PAK5: variants seen among roughly 807,000 people sequenced by gnomAD.
The protein encoded by PAK5 is serine/threonine-protein kinase PAK 5.
Under a neutral mutation model 65.9 loss-of-function variants are expected in PAK5, and 16 were observed. The ratio of observed to expected loss-of-function variants is 0.24; its 90% CI spans 0.16 to 0.37. The LOEUF (loss-of-function observed/expected upper bound fraction) is 0.37. Among genes scored for constraint, PAK5 ranks in the 10% least tolerant of loss-of-function variants. The pLI, the probability that PAK5 is intolerant of heterozygous loss-of-function variation, is 1.00. For missense variants in PAK5, 785 were observed against 903.9 expected (o/e 0.87, Z 1.69); for synonymous variants, 371 against 354.9 (o/e 1.05, Z -0.51).
At chr20:9,645,709 C>T (rs531492465) in intron 2 of PAK5, among the ~76,000 whole-genome samples, 38 of 152,216 alleles carry the variant, frequency 2.5e-4, no homozygotes, top group East Asian at 3.9e-4. Flanking sequence ...CTCAGCCTCC[C>T]GAGTAGCTGG....
At chr20:9,698,196 T>C (rs1407146118) in intron 2 of PAK5, among the ~76,000 whole-genome samples, 2 of 152,156 alleles carry the variant, frequency 1.3e-5, no homozygotes, top group Non-Finnish European at 2.9e-5. Flanking sequence ...CCCTCAACTA[T>C]ATACTCTTTT....
rs11906946 is a variant in PAK5, at chr20:9,637,186, T to G, written c.204+6939A>C. 7.0e-3 allele frequency among the ~76,000 whole-genome samples: 1,062 copies of G among 152,178 alleles called. 13 individuals carry two copies. The highest frequency in any genetic ancestry group is 0.024 in the African/African-American group (986 of 41,486). ...TGGCTAATATTTTTTTTATTATTAC[T>G]TTTAGTGGAGACGAGGTTTTGCTAG... On this transcript the variant is annotated intron_variant, in intron 3 of 9. Transcript: ENST00000353224.
chr20:9,766,767 T>A (rs778049477), intron 1 of PAK5, among the ~76,000 whole-genome samples: 5 of 151,776 alleles, frequency 3.3e-5, no homozygotes, highest in Non-Finnish European at 5.9e-5. Context: ...TTGGAGAAGG[T>A]AGTGATTGAA....
intron 3 of PAK5, among the ~76,000 whole-genome samples, chr20:9,619,809 T>G (rs1192965636): frequency 2.0e-5 from 3 of 152,222 alleles, no homozygotes; most frequent in Non-Finnish European, 4.4e-5. Flanking sequence ...CCTCCCTTGA[T>G]TCTTTGACAG....
intron 1 of PAK5, among the ~76,000 whole-genome samples, chr20:9,787,243 C>T (rs1263192240): frequency 6.6e-6 from 1 of 152,090 alleles, no homozygotes; most frequent in Admixed American, 6.6e-5. Context: ...TGATCATGCC[C>T]TACTTGTCTC....
chr20:9,652,005 C>T (rs929072029), intron 2 of PAK5, among the ~76,000 whole-genome samples: 6 of 152,176 alleles, frequency 3.9e-5, no homozygotes, highest in African/African-American at 1.4e-4. Flanking sequence ...GTGACTTTAA[C>T]GTACCTCTTA....
At chr20:9,720,605 T>C (rs1765235353) in intron 1 of PAK5, among the ~76,000 whole-genome samples, 1 of 152,150 alleles carries the variant, frequency 6.6e-6, no homozygotes. Flanking sequence ...CTCCCAGGTA[T>C]ATACCCCAAA....
rs113529049 is a variant in PAK5, at chr20:9,558,873, T to C, written c.1617-1139A>G. On this transcript the variant is annotated intron_variant, in intron 6 of 9. Transcript: ENST00000353224. ...ACTGCACCCCTGTGGAGAAAGTTTTTCCTTCTCCACAGTTTTAGAGGGGGA... is the reference window on the plus strand; with the variant it reads ...ACTGCACCCCTGTGGAGAAAGTTTTCCCTTCTCCACAGTTTTAGAGGGGGA... Among the ~76,000 whole-genome samples, 668 of 152,344 alleles carry C rather than the reference T, an allele frequency of 4.4e-3. 6 individuals are homozygous for C. Among genetic ancestry groups the C allele is most frequent in the African/African-American group, 0.015 (637 of 41,586 alleles).
intron 1 of PAK5, among the ~76,000 whole-genome samples, chr20:9,829,929 C>A (rs1027979788): frequency 6.6e-6 from 1 of 152,200 alleles, no homozygotes; most frequent in Non-Finnish European, 1.5e-5. Context: ...GCCTCCAGCA[C>A]TTGTGTGGAG....
intron 2 of PAK5, among the ~76,000 whole-genome samples, chr20:9,706,531 T>C (rs1307299480): frequency 6.6e-6 from 1 of 150,746 alleles, no homozygotes; most frequent in African/African-American, 2.4e-5. Flanking sequence ...CAGGCTAGAG[T>C]GCAGCAGTGC....
chr20:9,698,008 A>G (rs1414120450), intron 2 of PAK5, among the ~76,000 whole-genome samples: 3 of 152,184 alleles, frequency 2.0e-5, no homozygotes, highest in South Asian at 2.1e-4. Context: ...TGACCATATG[A>G]TGAATTTGAC....
At chr20:9,568,755 C>T (rs1188669159) in intron 4 of PAK5, among the ~76,000 whole-genome samples, 1 of 152,102 alleles carries the variant, frequency 6.6e-6, no homozygotes, top group Non-Finnish European at 1.5e-5. Context: ...TCACTTGAGC[C>T]CAGGAGCTCA....
intron 2 of PAK5, among the ~76,000 whole-genome samples, chr20:9,675,317 C>A (rs2047555251): frequency 6.6e-6 from 1 of 152,082 alleles, no homozygotes; most frequent in African/African-American, 2.4e-5. Context: ...TTTTCTAATG[C>A]AAGGACAATA....
At chr20:9,766,005 C>T (rs143091112) in intron 1 of PAK5, among the ~76,000 whole-genome samples, 4,913 of 152,058 alleles carry the variant, frequency 0.032, 258 homozygotes, top group African/African-American at 0.11. Context: ...AGGCAGATCA[C>T]GAGGTCAAGA....
chr20:9,687,680 G>T (rs1309436280), intron 2 of PAK5, among the ~76,000 whole-genome samples: 1 of 151,902 alleles, frequency 6.6e-6, no homozygotes, highest in Non-Finnish European at 1.5e-5. Context: ...ACTTTTTTTT[G>T]AGGCACTAGG....
intron 1 of PAK5, among the ~76,000 whole-genome samples, chr20:9,820,859 C>T (rs887418386): frequency 8.4e-6 from 1 of 119,286 alleles, no homozygotes; most frequent in East Asian, 2.3e-4. Context: ...AGAACTGTAA[C>T]ACTCAGGTTC....
At chr20:9,765,036 A>G (rs2048741780) in intron 1 of PAK5, among the ~76,000 whole-genome samples, 1 of 152,172 alleles carries the variant, frequency 6.6e-6, no homozygotes, top group African/African-American at 2.4e-5. Context: ...TATTACAAGC[A>G]CATGTATAAC....
intron 3 of PAK5, among the ~76,000 whole-genome samples, chr20:9,619,350 A>G (rs1052405647): frequency 3.9e-5 from 6 of 152,326 alleles, no homozygotes; most frequent in Non-Finnish European, 7.3e-5. Flanking sequence ...AGGACATGGC[A>G]AGATAAAACT....
At chr20:9,609,699 C>T (rs2046522890) in intron 3 of PAK5, among the ~76,000 whole-genome samples, 1 of 152,136 alleles carries the variant, frequency 6.6e-6, no homozygotes, top group African/African-American at 2.4e-5. Flanking sequence ...ACCAGCAACA[C>T]AAAACATTAA....
Sources: gnomAD v4.1 joint callset for allele counts (sites outside exome capture counted in the v4.1 genomes callset) on GRCh38, gnomAD v4.1.1 for gene constraint, MANE v1.5 for transcripts, NCBI Gene and HGNC (gene_info 2026-07-23, HGNC 2026-07-21) for gene names.